Variants in LINGO2 observed in about 807,000 individuals in gnomAD.
LINGO2 encodes leucine-rich repeat and immunoglobulin-like domain-containing nogo receptor-interacting protein 2.
A neutral mutation model predicts 30.6 loss-of-function variants in LINGO2; 14 were observed. That is an observed-to-expected ratio of 0.46 (90% CI 0.30 to 0.72). The LOEUF (loss-of-function observed/expected upper bound fraction) is 0.72. Among genes scored for constraint, LINGO2 ranks in the 30% least tolerant of loss-of-function variants. The pLI is 0.07. For synonymous variants in LINGO2, 317 were observed against 288.5 expected (o/e 1.10, Z -1.00); for missense variants, 729 against 751.7 (o/e 0.97, Z 0.35).
At chr9:29,010,424 G>A in the LINGO2 span, among the ~76,000 whole-genome samples, 3 of 152,144 alleles carry the variant, frequency 2.0e-5, no homozygotes, top group Non-Finnish European at 2.9e-5. Context: ...TCTGGATGAC[G>A]CAGGTGGATT....
the LINGO2 span, among the ~76,000 whole-genome samples, chr9:28,938,999 T>C: frequency 3.9e-5 from 6 of 152,336 alleles, no homozygotes; most frequent in African/African-American, 1.4e-4. Flanking sequence ...GGGCAACTTA[T>C]ATTCCAATTT....
chr9:29,086,598 G>A, the LINGO2 span, among the ~76,000 whole-genome samples: 1 of 152,054 alleles, frequency 6.6e-6, no homozygotes, highest in African/African-American at 2.4e-5. Context: ...TGTTCTTCTA[G>A]GAAAGTAAGA....
the LINGO2 span, among the ~76,000 whole-genome samples, chr9:28,728,618 C>T: frequency 4.6e-5 from 7 of 151,688 alleles, no homozygotes; most frequent in Non-Finnish European, 7.4e-5. Context: ...TTATAATGGA[C>T]GGAAAAAAAC....
At chr9:28,715,335 A>C in the LINGO2 span, among the ~76,000 whole-genome samples, 1 of 152,178 alleles carries the variant, frequency 6.6e-6, no homozygotes, top group Non-Finnish European at 1.5e-5. Flanking sequence ...AGATTCTTAG[A>C]AAATAAACCA....
At chr9:28,087,090 G>C (rs754919084) in intron 4 of LINGO2, among the ~76,000 whole-genome samples, 9 of 152,038 alleles carry the variant, frequency 5.9e-5, no homozygotes, top group Non-Finnish European at 1.3e-4. Context: ...CTAGCTTTTT[G>C]AAGAAAAGAA....
the LINGO2 span, among the ~76,000 whole-genome samples, chr9:28,976,220 C>T: frequency 2.6e-5 from 4 of 152,048 alleles, no homozygotes; most frequent in East Asian, 1.9e-4. Flanking sequence ...AGCAAGTGGC[C>T]CCATCTAATT....
At chr9:28,183,841 T>C (rs944553136) in intron 4 of LINGO2, among the ~76,000 whole-genome samples, 19 of 152,196 alleles carry the variant, frequency 1.2e-4, no homozygotes, top group Admixed American at 6.5e-5. Flanking sequence ...AAGGTCAGCA[T>C]GGTAAAATTT....
intron 3 of LINGO2, among the ~76,000 whole-genome samples, chr9:28,331,973 T>C (rs1825437011): frequency 6.6e-6 from 1 of 152,200 alleles, no homozygotes; most frequent in Non-Finnish European, 1.5e-5. Context: ...TTTCAAAGGA[T>C]TATCTAAAAC....
At chr9:28,735,268 A>G in the LINGO2 span, among the ~76,000 whole-genome samples, 6 of 152,194 alleles carry the variant, frequency 3.9e-5, no homozygotes, top group Admixed American at 3.9e-4. Flanking sequence ...TCTAGAGCTC[A>G]AAGTGAAGTC....
At chr9:27,950,049 A>T in exon 6 of LINGO2, 2 of 1,614,142 alleles carry the variant, frequency 1.2e-6, no homozygotes, top group Non-Finnish European at 1.7e-6. Context: ...GAGATGCTTC[A>T]GATGCAGGCT....
chr9:28,872,314 CT>C, the LINGO2 span, among the ~76,000 whole-genome samples: 32 of 150,798 alleles, frequency 2.1e-4, 1 homozygote, highest in East Asian at 2.5e-3. Flanking sequence ...AAATGATTTC[CT>C]TTTTTTTTGA....
chr9:28,788,143 T>C, the LINGO2 span, among the ~76,000 whole-genome samples: 3 of 152,174 alleles, frequency 2.0e-5, no homozygotes, highest in Admixed American at 6.5e-5. Flanking sequence ...AAAAGACAGA[T>C]ATTTCCTTAA....
At chr9:27,982,544 A>G (rs926050579) in intron 5 of LINGO2, among the ~76,000 whole-genome samples, 3 of 151,882 alleles carry the variant, frequency 2.0e-5, no homozygotes, top group Admixed American at 6.6e-5. Flanking sequence ...ATAACCATAT[A>G]TGGTAGGTTA....
the LINGO2 span, among the ~76,000 whole-genome samples, chr9:28,694,383 G>A: frequency 9.2e-5 from 14 of 151,920 alleles, no homozygotes; most frequent in Admixed American, 7.2e-4. Context: ...TTGAATATGT[G>A]ATATTCTTTT....
At chr9:28,618,807 C>A (rs145275709) in intron 1 of LINGO2, among the ~76,000 whole-genome samples, 1 of 152,044 alleles carries the variant, frequency 6.6e-6, no homozygotes, top group East Asian at 1.9e-4. Flanking sequence ...GTTTTATTTA[C>A]TTCTATACTT....
intron 4 of LINGO2, among the ~76,000 whole-genome samples, chr9:28,039,636 T>C (rs1318823940): frequency 6.6e-6 from 1 of 152,152 alleles, no homozygotes; most frequent in Non-Finnish European, 1.5e-5. Context: ...GGATATGCTG[T>C]TGACCACTGA....
At chr9:27,972,352 A>G (rs1820396083) in intron 5 of LINGO2, among the ~76,000 whole-genome samples, 1 of 152,146 alleles carries the variant, frequency 6.6e-6, no homozygotes, top group Non-Finnish European at 1.5e-5. Context: ...GAATAGCAAC[A>G]TTTTGGAAAC....
chr9:28,780,759 T>A, the LINGO2 span, among the ~76,000 whole-genome samples: 1 of 151,834 alleles, frequency 6.6e-6, no homozygotes, highest in Non-Finnish European at 1.5e-5. Context: ...TCACCAATAA[T>A]AATGCACACA....
the LINGO2 span, among the ~76,000 whole-genome samples, chr9:28,695,381 T>C: frequency 6.5e-3 from 990 of 152,074 alleles, 26 homozygotes; most frequent in Admixed American, 0.035. Context: ...GGTACTCATA[T>C]GCATTCTTGG....
Sources: allele counts gnomAD v4.1 joint callset (sites outside exome capture counted in the v4.1 genomes callset), GRCh38; gene constraint gnomAD v4.1.1; transcripts MANE v1.5; gene names NCBI Gene and HGNC (gene_info 2026-07-23, HGNC 2026-07-21).